RBM6: variants seen among roughly 807,000 people sequenced by gnomAD.
RBM6 encodes RNA-binding protein 6.
Under a neutral mutation model 140.4 loss-of-function variants are expected in RBM6, and 23 were observed. The observed-to-expected ratio is 0.16, with a 90% confidence interval of 0.12 to 0.23. RBM6 has a LOEUF of 0.23. RBM6 is among the 10% of genes least tolerant of loss of function. The pLI is 1.00. For synonymous variants in RBM6, 439 were observed against 475.6 expected, an observed-to-expected ratio of 0.92 and a Z score of 1.00; for missense variants, 1,139 against 1,386.7, an observed-to-expected ratio of 0.82 and a Z score of 2.84.
chr3:50,039,264 A>C (rs909309402), intron 6 of RBM6, among the ~76,000 whole-genome samples: 1 of 152,188 alleles, frequency 6.6e-6, no homozygotes, highest in South Asian at 2.1e-4. Context: ...TTTGAGATGG[A>C]GTCTCGCTCT....
At position 49,962,615 on chromosome 3, in the gene RBM6, T is replaced by C. The variant is rs755277019; in HGVS notation, c.-27T>C. 4.4e-6 allele frequency: 7 copies of C among 1,585,574 alleles called. No homozygotes were observed. In the African/African-American group the frequency reaches 6.9e-5, roughly 16 times the overall value. ...AGAATTTGGTAGAAAAAGGATTTAC[T>C]TGTTGGGGCCCTCTTGATAAAAAGA... On this transcript the variant is annotated 5_prime_UTR_variant, in exon 2 of 21. Transcript: ENST00000266022.
At chr3:49,968,794 T>TC (rs1466419253) in intron 3 of RBM6, 46 bp downstream of exon 3, 1 of 1,208,404 alleles carries the variant, frequency 8.3e-7, no homozygotes, top group East Asian at 2.3e-5. Context: ...TTTTTTTTTT[T>TC]TTTTGAGACG....
chr3:50,026,758 C>A (rs768576310), intron 6 of RBM6, among the ~76,000 whole-genome samples: 1 of 151,496 alleles, frequency 6.6e-6, no homozygotes, highest in Non-Finnish European at 1.5e-5. Flanking sequence ...CCAAAAAATA[C>A]AAAAATTAGG....
At chr3:50,019,511 T>G (rs1360695883) in intron 6 of RBM6, among the ~76,000 whole-genome samples, 1 of 152,204 alleles carries the variant, frequency 6.6e-6, no homozygotes, top group African/African-American at 2.4e-5. Flanking sequence ...CTTTTCCTTT[T>G]CTTCTTTTTC....
intron 20 of RBM6, among the ~76,000 whole-genome samples, chr3:50,076,556 C>G (rs2090466771): frequency 6.6e-6 from 1 of 151,174 alleles, no homozygotes; most frequent in South Asian, 2.1e-4. Context: ...CCACTGCACT[C>G]CAGCCTGGGT....
chr3:50,010,416 G>A (rs2086787211), intron 6 of RBM6, among the ~76,000 whole-genome samples: 1 of 152,052 alleles, frequency 6.6e-6, no homozygotes, highest in Non-Finnish European at 1.5e-5. Flanking sequence ...GGAGAGGATA[G>A]AGAATGATAA....
At chr3:50,040,411 A>C (rs1406877267) in intron 6 of RBM6, among the ~76,000 whole-genome samples, 1 of 137,130 alleles carries the variant, frequency 7.3e-6, no homozygotes, top group African/African-American at 2.7e-5. Flanking sequence ...GCACCACTGC[A>C]CTCCAGCCTG....
At chr3:49,982,559 C>T in intron 5 of RBM6, among the ~76,000 whole-genome samples, 1 of 151,730 alleles carries the variant, frequency 6.6e-6, no homozygotes, top group Admixed American at 6.6e-5. Context: ...GGCTTACAGG[C>T]ACCCGCCACC....
In RBM6 at chr3:50,057,167, T is replaced by C. The variant is rs151200309; in HGVS notation, c.1694-561T>C. 3.3e-3 allele frequency among the ~76,000 whole-genome samples: 499 copies of C among 152,348 alleles called. 4 individuals carry two copies. Among genetic ancestry groups the C allele is most frequent in the African/African-American group, 0.012 (488 of 41,584 alleles). On this transcript the variant is annotated intron_variant, in intron 8 of 20. Coordinates refer to ENST00000266022, the MANE Select transcript of RBM6 (RefSeq NM_005777.3). ...TAGGTGATATAGAGATTTCATAAGA[T>C]TACATTTTTTAAATGCTTGGATAGT...
chr3:49,993,200 A>G (rs1039454782), intron 5 of RBM6, among the ~76,000 whole-genome samples: 3 of 152,174 alleles, frequency 2.0e-5, no homozygotes, highest in Non-Finnish European at 4.4e-5. Context: ...AGTGTTTCCT[A>G]ACAAATGTTA....
Position 49,968,725 on chromosome 3 carries a change from C to A in RBM6, c.1300C>A (p.Arg434=), listed in dbSNP as rs1452069219. 1 of 1,609,592 alleles carries A rather than the reference C, an allele frequency of 6.2e-7. No individual in the cohort carries two copies. The highest frequency in any genetic ancestry group is 8.5e-7 in the Non-Finnish European group (1 of 1,178,200). ...GTCTTTTCCAGAGGGCAAAACTGCC[C>A]GAGATGCCCAACGGGACCTTCAGGT... ...SKSFPEGKTA[R]DAQRDLQDQD... Residue 434 remains arginine, a synonymous_variant, in exon 3 of 21, where the codon CGA becomes AGA. Coordinates refer to ENST00000266022, the MANE Select transcript of RBM6 (RefSeq NM_005777.3).
chr3:50,017,468 G>A (rs953298006), intron 6 of RBM6, among the ~76,000 whole-genome samples: 5 of 151,480 alleles, frequency 3.3e-5, no homozygotes, highest in Admixed American at 3.3e-4. Flanking sequence ...TGAGGCAGGA[G>A]AATGGCGTGA....
chr3:49,954,953 G>C (rs1575534636), intron 1 of RBM6, among the ~76,000 whole-genome samples: 1 of 151,808 alleles, frequency 6.6e-6, no homozygotes, highest in East Asian at 1.9e-4. Context: ...TAGAGACAGG[G>C]TTTCACTGTG....
At chr3:50,030,424 C>T (rs1224951409) in intron 6 of RBM6, among the ~76,000 whole-genome samples, 2 of 151,550 alleles carry the variant, frequency 1.3e-5, no homozygotes, top group Non-Finnish European at 2.9e-5. Flanking sequence ...TCTAGAAATA[C>T]ACAAACAGAG....
intron 6 of RBM6, among the ~76,000 whole-genome samples, chr3:50,031,374 C>G (rs1215050414): frequency 6.6e-6 from 1 of 152,100 alleles, no homozygotes. Flanking sequence ...AAATGTGGCA[C>G]ATATACACCA....
At chr3:49,965,441 G>A (rs941696111) in intron 2 of RBM6, among the ~76,000 whole-genome samples, 2 of 152,124 alleles carry the variant, frequency 1.3e-5, no homozygotes, top group South Asian at 2.1e-4. Context: ...AGGCCGAGGC[G>A]GGTGGATCAC....
At position 49,944,983 on chromosome 3, in the gene RBM6, T is replaced by C. The variant is rs373913060; in HGVS notation, c.-67+4758T>C. Among the ~76,000 whole-genome samples, 30 of 150,452 alleles carry C rather than the reference T, an allele frequency of 2.0e-4. 1 individual carries two copies. In the East Asian group the frequency reaches 5.7e-3, roughly 29 times the overall value. ...GCTCCGCCTCCTGGGTTCTTGCCAT[T>C]CTCCTGCCTCAGCCTCCCGAGTAGC... On this transcript the variant is annotated intron_variant, in intron 1 of 20. Coordinates refer to ENST00000266022, the MANE Select transcript of RBM6 (RefSeq NM_005777.3).
At chr3:50,037,401 G>C (rs2108843236) in intron 6 of RBM6, among the ~76,000 whole-genome samples, 1 of 152,094 alleles carries the variant, frequency 6.6e-6, no homozygotes, top group South Asian at 2.1e-4. Context: ...GCAAGACCCT[G>C]TCTCAAAAAA....
intron 6 of RBM6, among the ~76,000 whole-genome samples, chr3:50,045,185 G>A (rs928238121): frequency 2.6e-5 from 4 of 152,220 alleles, no homozygotes; most frequent in Non-Finnish European, 4.4e-5. Context: ...GAACATTTTT[G>A]TTGTCTGAGA....
Sources: allele counts gnomAD v4.1 joint callset (sites outside exome capture counted in the v4.1 genomes callset), GRCh38; gene constraint gnomAD v4.1.1; transcripts MANE v1.5; gene names NCBI Gene and HGNC (gene_info 2026-07-23, HGNC 2026-07-21).